The following UBTF variants were observed in gnomAD, a reference collection of about 807,000 sequenced individuals.
UBTF encodes nucleolar transcription factor 1.
Under a neutral mutation model 112.3 loss-of-function variants are expected in UBTF, and 8 were observed. The observed-to-expected ratio is 0.07, with a 90% CI of 0.04 to 0.13. The LOEUF (loss-of-function observed/expected upper bound fraction) is 0.13, where lower values mean the gene tolerates loss of function less well. Ranked by LOEUF, UBTF falls within the 10% of genes least tolerant of loss-of-function variation. UBTF has a pLI of 1.00. For missense variants in UBTF, 457 were observed against 982.1 expected, an observed-to-expected ratio of 0.47 and a Z score of 7.15; for synonymous variants, 417 against 373.1, an observed-to-expected ratio of 1.12 and a Z score of -1.36.
rs1286910250 is a variant in UBTF at position 44,207,468 on chromosome 17, C to G, written c.2155G>C (p.Glu719Gln). ...GTCTGCCCCACCTCATCCCCATCCT[C>G]GCTCTCGTCCTCGCTGCTGGACTCA... ...SSESSSEDES[E>Q]DGDENEEDDE... The change falls in exon 20 of 21, where the codon GAG becomes CAG. Residue 719 changes from glutamate to glutamine, a missense_variant. Physicochemically the swap from Glu to Gln is conservative, Grantham distance 29. Around this residue, in one of 7 missense-constraint regions of UBTF, gnomAD observed 139 missense variants for 157.5 expected, o/e 0.88. Transcript: ENST00000436088. 4 of 1,613,876 alleles carry G rather than the reference C, an allele frequency of 2.5e-6. No individual in the cohort carries two copies. Among genetic ancestry groups the G allele is most frequent in the Non-Finnish European group, 2.5e-6 (3 of 1,179,954 alleles).
At chr17:44,219,404 C>G (rs1380043453) in intron 1 of UBTF, 41 bp downstream of exon 1, 2 of 151,636 alleles carry the variant, frequency 1.3e-5, no homozygotes, top group Non-Finnish European at 2.9e-5. Flanking sequence ...TCCCGCCGTC[C>G]GGCCCCGACC....
Position 44,211,233 on chromosome 17 carries a change from C to A in UBTF, c.1089+57G>T, listed in dbSNP as rs2056656129. 4 of 1,613,884 alleles carry A rather than the reference C, an allele frequency of 2.5e-6. No individual in the cohort carries two copies. In the African/African-American group the frequency reaches 5.3e-5, roughly 22 times the overall value. ...CCCTATCTCCAGGGGCTCACCAGGG[C>A]TCTGCCTGCCAAGTCCCAGTCTTCT... On this transcript the variant is annotated intron_variant, in intron 11 of 20. Transcript: ENST00000436088. This position sits in a 1 kb window ranked among gnomAD's most constrained non-coding sequence, Gnocchi z 4.9.
At chr17:44,215,499 G>GAAGTTGGGAAAAGGAAAATGC in intron 5 of UBTF, 155 bp downstream of exon 5, 1 of 896,006 alleles carries the variant, frequency 1.1e-6, no homozygotes, top group Non-Finnish European at 1.7e-6. Context: ...CGAGGAAGGG[G>GAAGTTGGGAAAAGGAAAATGC]CAATCAGGTG....
In UBTF at chr17:44,211,838, G is replaced by A. The variant is rs767109340; in HGVS notation, c.905+35C>T. ...CAGAGCCCAGCCCAACTTCCCAGCT[G>A]CCCACTCGCCCACCCATCCCAGGGC... On this transcript the variant is annotated intron_variant, in intron 9 of 20. Transcript: ENST00000436088. The surrounding 1 kb of genome is among the most constrained non-coding windows in gnomAD (Gnocchi z 4.9). 6.2e-7 allele frequency: 1 copy of A among 1,605,290 alleles called. No individual in the cohort carries two copies. Among genetic ancestry groups the A allele is most frequent in the Non-Finnish European group, 8.5e-7 (1 of 1,175,886 alleles).
intron 2 of UBTF, 101 bp downstream of exon 2, chr17:44,218,071 G>C: frequency 8.5e-7 from 1 of 1,172,484 alleles, no homozygotes; most frequent in African/African-American, 1.5e-5. Flanking sequence ...CCCCAGTTCA[G>C]TGTATGCAGA....
At chr17:44,217,402 G>A (rs1290130960) in intron 2 of UBTF, among the ~76,000 whole-genome samples, 3 of 152,172 alleles carry the variant, frequency 2.0e-5, no homozygotes, top group Non-Finnish European at 4.4e-5. Context: ...ATTACAAGCT[G>A]TCTTGTCAGC....
rs1555587197 is a variant in UBTF, at chr17:44,219,619, C to CGGCTGCTGCTGCTGT, written c.-243_-242insACAGCAGCAGCAGCC. 8 of 532 alleles carry CGGCTGCTGCTGCTGT rather than the reference C, an allele frequency of 0.015. No individual in the cohort carries two copies. The highest frequency in any genetic ancestry group is 0.021 in the African/African-American group (3 of 140). The allele number at this position is 532 out of a possible 1,614,324, so 0.0% of individuals were successfully genotyped here. ...GCGGCGGCTGCTGCTGCTGTGGCGG[C>CGGCTGCTGCTGCTGT]GGCGGCGGCGGCGGCGGCTGTGGCT... is the stretch of plus-strand genomic sequence containing the variant. On this transcript the variant is annotated 5_prime_UTR_variant, in exon 1 of 21. Transcript: ENST00000436088.
intron 2 of UBTF, 83 bp from the exon 3 acceptor site, chr17:44,216,787 TC>T: frequency 7.1e-7 from 1 of 1,408,240 alleles, no homozygotes; most frequent in African/African-American, 1.4e-5. Flanking sequence ...GCTCAACTCT[TC>T]CTCCCTAGGG....
intron 5 of UBTF, 127 bp downstream of exon 5, chr17:44,215,526 AT>A: frequency 8.2e-7 from 1 of 1,214,338 alleles, no homozygotes; most frequent in Non-Finnish European, 1.2e-6. Flanking sequence ...CCCAGGACCT[AT>A]TCTGCTGTGC....
In UBTF at chr17:44,210,920, C is replaced by A. The variant is rs752694009; in HGVS notation, c.1231G>T (p.Val411Leu). The A allele has an allele frequency of 1.2e-6, 2 of 1,607,654 alleles. No individual in the cohort carries two copies. The highest frequency in any genetic ancestry group is 3.4e-5 in the Admixed American group (2 of 59,598). Residue 411 changes from valine (V) to leucine (L), a missense_variant, in exon 13 of 21, where the codon GTG becomes TTG. By Grantham distance (32) the Val-to-Leu change is conservative (BLOSUM62 1). Around this residue, in one of 7 missense-constraint regions of UBTF, gnomAD observed 108 missense variants for 137.4 expected, o/e 0.79. Transcript: ENST00000436088. ...KGGSEKPKRP[V>L]SAMFIFSEEK... ...TCCGAGAAGATGAACATGGCCGACA[C>A]GGGCCGCTTGGGCTTCTCGGAGCCG...
chr17:44,207,813 C>T (rs758183772), intron 18 of UBTF, 43 bp from the exon 19 acceptor site: 3 of 1,614,126 alleles, frequency 1.9e-6, no homozygotes, highest in Non-Finnish European at 2.5e-6. Context: ...GAGTTCGACA[C>T]CCCTGAATTC....
At position 44,207,256 on chromosome 17, in the gene UBTF, A is replaced by G; in HGVS notation, c.2281T>C (p.Ser761Pro). The G allele has an allele frequency of 6.2e-7, 1 of 1,613,566 alleles. No homozygotes were observed. Among genetic ancestry groups the G allele is most frequent in the Non-Finnish European group, 8.5e-7 (1 of 1,179,856 alleles). Reference sequence around the variant, plus strand: ...GGGGCTGAGCCTCAGTTGGAGTCAGAGTCTGAGGAGTCCCCTGAGGAGGAG... The same window carrying G: ...GGGGCTGAGCCTCAGTTGGAGTCAGGGTCTGAGGAGTCCCCTGAGGAGGAG... ...SSSSSGDSSD[S>P]DSN The change falls in exon 21 of 21, where the codon TCT becomes CCT. Residue 761 changes from serine to proline, a missense_variant. Ser to Pro is a moderately conservative substitution (Grantham distance 74, BLOSUM62 -1). Coordinates refer to ENST00000436088, the MANE Select transcript of UBTF (RefSeq NM_014233.4).
upstream of UBTF, chr17:44,220,858 A>G (rs2047155324): frequency 6.6e-6 from 1 of 152,184 alleles, no homozygotes; most frequent in Non-Finnish European, 1.5e-5. Flanking sequence ...AAAGCCCGAG[A>G]TGGCGAAGCG....
At position 44,211,401 on chromosome 17, in the gene UBTF, A is replaced by G; in HGVS notation, c.1048-70T>C. 6.2e-7 allele frequency: 1 copy of G among 1,602,062 alleles called. No individual in the cohort carries two copies. The highest frequency in any genetic ancestry group is 2.2e-5 in the East Asian group (1 of 44,750). On this transcript the variant is annotated intron_variant, in intron 10 of 20. Transcript: ENST00000436088. This position sits in a 1 kb window ranked among gnomAD's most constrained non-coding sequence, Gnocchi z 4.9. ...CCACAGACCCTGCAGTACTCGGAGG[A>G]CAGTGACCTTCAGCGGGCCTCCAGA...
Position 44,207,481 on chromosome 17 carries a change from G to A in UBTF, c.2142C>T (p.Ser714=), listed in dbSNP as rs556513765. The A allele has an allele frequency of 3.1e-6, 5 of 1,613,752 alleles. No homozygotes were observed. Among genetic ancestry groups the A allele is most frequent in the Non-Finnish European group, 4.2e-6 (5 of 1,179,938 alleles). ...CATCCCCATCCTCGCTCTCGTCCTC[G>A]CTGCTGGACTCAGAGGAGTCGCCGC... ...EDGGDSSESS[S]EDESEDGDEN... is the part of the protein sequence containing the mutation. Residue 714 remains serine, a synonymous_variant, in exon 20 of 21, where the codon AGC becomes AGT. Coordinates refer to ENST00000436088, the MANE Select transcript of UBTF (RefSeq NM_014233.4).
intron 8 of UBTF, 159 bp downstream of exon 8, chr17:44,212,185 G>A: frequency 2.4e-6 from 1 of 408,884 alleles, no homozygotes; most frequent in Non-Finnish European, 4.6e-6. Flanking sequence ...CATGGGGGTG[G>A]GGGGTGGGGA....
At chr17:44,216,824 T>C (rs573098697) in intron 2 of UBTF, 120 bp from the exon 3 acceptor site, 2 of 991,920 alleles carry the variant, frequency 2.0e-6, no homozygotes, top group South Asian at 1.4e-5. Context: ...TTGCTTCCCA[T>C]CTGAAGGCAC....
rs116066545 is a variant in UBTF, at chr17:44,216,988, C to T, written c.59-284G>A. Among the ~76,000 whole-genome samples the T allele has an allele frequency of 2.2e-4, 34 of 152,222 alleles. No homozygotes were observed. The East Asian group carries it at 5.2e-3, about 23-fold the overall frequency. On this transcript the variant is annotated intron_variant, in intron 2 of 20. Transcript: ENST00000436088. ...TCATTTATACTGTGCCAAGCTGCAA[C>T]GGGCAGCTATTTGCTGTAAGGGGAA...
chr17:44,216,035 A>T (rs1234695471), intron 3 of UBTF, 46 bp from the exon 4 acceptor site: 20 of 1,477,340 alleles, frequency 1.4e-5, no homozygotes, highest in Non-Finnish European at 1.6e-5. Context: ...GAAAAGGAAA[A>T]TGCCACACAG....
Sources: gnomAD v4.1 joint callset for allele counts (sites outside exome capture counted in the v4.1 genomes callset) on GRCh38, gnomAD v4.1.1 for gene constraint, gnomAD v4.1.1 regional missense constraint, Gnocchi (gnomAD v3.1) non-coding constraint, MANE v1.5 for transcripts, NCBI Gene and HGNC (gene_info 2026-07-23, HGNC 2026-07-21) for gene names.